IL1RAPL1: variants seen among roughly 807,000 people sequenced by gnomAD.
IL1RAPL1 encodes the protein interleukin 1 receptor accessory protein like 1, also known as interleukin-1 receptor accessory protein-like 1.
A neutral mutation model predicts 48.4 loss-of-function variants in IL1RAPL1; 3 were observed. That is an observed-to-expected ratio of 0.06 (90% CI 0.03 to 0.16). The LOEUF is 0.16. Ranked by LOEUF, IL1RAPL1 falls within the 10% of genes least tolerant of loss-of-function variation. IL1RAPL1 has a pLI of 1.00. For synonymous variants in IL1RAPL1, 185 were observed against 187.7 expected (o/e 0.99, Z 0.12); for missense variants, 349 against 530.6 (o/e 0.66, Z 3.36).
rs191898807 is a variant in IL1RAPL1, at chrX:28,804,842, C to T, written c.82+15417C>T. 7.0e-4 allele frequency among the ~76,000 whole-genome samples: 78 copies of T among 111,309 alleles called. No homozygotes were observed. In the Middle Eastern group the frequency reaches 0.014, roughly 20 times the overall value. On this transcript the variant is annotated intron_variant, in intron 2 of 10. Transcript: ENST00000378993. ...TGGAGAGTCATTATTCTGTCAATCA[C>T]AGTGGTATATTAGAGTAGCTTTTAC...
intron 6 of IL1RAPL1, among the ~76,000 whole-genome samples, chrX:29,826,866 A>G (rs1344582746): frequency 8.9e-6 from 1 of 111,997 alleles, no homozygotes; most frequent in South Asian, 3.7e-4. Flanking sequence ...TCCTTTGGCT[A>G]TCTACCTAGG....
chrX:28,992,364 C>A (rs1925624032), intron 2 of IL1RAPL1, among the ~76,000 whole-genome samples: 1 of 108,992 alleles, frequency 9.2e-6, no homozygotes, highest in Non-Finnish European at 1.9e-5. Context: ...GTGGCACATG[C>A]CTGTAATCCC....
intron 2 of IL1RAPL1, among the ~76,000 whole-genome samples, chrX:28,794,649 G>A: frequency 8.9e-6 from 1 of 111,816 alleles, no homozygotes; most frequent in Non-Finnish European, 1.9e-5. Context: ...GGGGACACCT[G>A]TTTGTGTAAA....
chrX:29,795,407 G>A (rs866542080), intron 6 of IL1RAPL1, among the ~76,000 whole-genome samples: 38 of 111,425 alleles, frequency 3.4e-4, no homozygotes, highest in African/African-American at 1.1e-3. Context: ...TGGAGTAATC[G>A]CTTCCAACAT....
chrX:29,057,695 C>T lies in IL1RAPL1; in HGVS notation c.83-225243C>T, dbSNP rs764202438. On this transcript the variant is annotated intron_variant, in intron 2 of 10. Transcript: ENST00000378993. The stretch of plus-strand genomic sequence containing the variant: ...CCGCCCGCCTCGGCCTCCCAAAGTG[C>T]TGGGATTACAGGCATGAGCCACCGT... Among the ~76,000 whole-genome samples, 3 of 111,529 alleles carry T rather than the reference C, an allele frequency of 2.7e-5. No individual in the cohort carries two copies. In the East Asian group the frequency reaches 8.6e-4, roughly 32 times the overall value.
intron 1 of IL1RAPL1, among the ~76,000 whole-genome samples, chrX:28,594,449 A>G (rs749783706): frequency 5.3e-5 from 6 of 112,271 alleles, no homozygotes; most frequent in Admixed American, 1.9e-4. Flanking sequence ...ATAAAAGCCA[A>G]AGGTGATCAA....
chrX:29,868,291 C>T (rs757026889), intron 6 of IL1RAPL1, among the ~76,000 whole-genome samples: 1 of 112,460 alleles, frequency 8.9e-6, no homozygotes, highest in South Asian at 3.7e-4. Flanking sequence ...CGTTAAGCGT[C>T]TTTTAACTAC....
chrX:29,661,654 C>T (rs1438208452), intron 5 of IL1RAPL1, among the ~76,000 whole-genome samples: 1 of 111,808 alleles, frequency 8.9e-6, no homozygotes, highest in East Asian at 2.8e-4. Flanking sequence ...TTTATAAAAA[C>T]TTGTCTCTGG....
In IL1RAPL1 at chrX:29,066,535, A is replaced by G. The variant is rs1326369335; in HGVS notation, c.83-216403A>G. ...GGAAGCCAATTTTGCTCCAAAGTTC[A>G]GGGCAAGGCCACTGGCCTACTTCTC... On this transcript the variant is annotated intron_variant, in intron 2 of 10. Transcript: ENST00000378993. Among the ~76,000 whole-genome samples the G allele has an allele frequency of 1.1e-4, 12 of 112,496 alleles. No individual in the cohort carries two copies. The Admixed American group carries it at 1.1e-3, about 11-fold the overall frequency.
intron 2 of IL1RAPL1, among the ~76,000 whole-genome samples, chrX:29,264,973 C>T (rs1452070160): frequency 1.8e-5 from 2 of 111,449 alleles, no homozygotes; most frequent in Non-Finnish European, 3.8e-5. Context: ...AGTGCAGTGG[C>T]GCTATCTGGG....
At chrX:29,278,280 T>C (rs936864043) in intron 2 of IL1RAPL1, among the ~76,000 whole-genome samples, 2 of 112,296 alleles carry the variant, frequency 1.8e-5, no homozygotes, top group East Asian at 2.8e-4. Flanking sequence ...AGCCAATATA[T>C]GTAGTTTTCT....
At chrX:29,100,661 G>A (rs1928316068) in intron 2 of IL1RAPL1, among the ~76,000 whole-genome samples, 1 of 111,614 alleles carries the variant, frequency 9.0e-6, no homozygotes, top group African/African-American at 3.3e-5. Flanking sequence ...CAACTCTTCG[G>A]GTTCTGATCT....
chrX:29,859,941 G>A (rs1931544988), intron 6 of IL1RAPL1, among the ~76,000 whole-genome samples: 1 of 112,123 alleles, frequency 8.9e-6, no homozygotes, highest in Non-Finnish European at 1.9e-5. Context: ...AGCATAAGAC[G>A]ATTAGTACAA....
intron 5 of IL1RAPL1, among the ~76,000 whole-genome samples, chrX:29,515,162 A>G (rs970271732): frequency 8.9e-6 from 1 of 112,612 alleles, no homozygotes; most frequent in African/African-American, 3.2e-5. Context: ...TTAATTTTTT[A>G]GTTAAACTTT....
At chrX:29,910,207 A>T (rs1354417315) in intron 6 of IL1RAPL1, among the ~76,000 whole-genome samples, 3 of 110,672 alleles carry the variant, frequency 2.7e-5, no homozygotes, top group African/African-American at 9.9e-5. Context: ...TGAGTACACA[A>T]TACAGGTATA....
At chrX:29,703,533 C>T (rs932279262) in intron 6 of IL1RAPL1, among the ~76,000 whole-genome samples, 12 of 110,749 alleles carry the variant, frequency 1.1e-4, no homozygotes, top group African/African-American at 3.3e-4. Context: ...TTAGTAGAGA[C>T]GGGGTTTCAC....
At chrX:29,006,210 T>G (rs2147391437) in intron 2 of IL1RAPL1, among the ~76,000 whole-genome samples, 1 of 110,941 alleles carries the variant, frequency 9.0e-6, no homozygotes, top group South Asian at 3.8e-4. Flanking sequence ...TTGTTACATT[T>G]TTGTAAGTGA....
intron 1 of IL1RAPL1, among the ~76,000 whole-genome samples, chrX:28,726,058 T>C (rs932165481): frequency 1.6e-4 from 18 of 112,097 alleles, no homozygotes; most frequent in African/African-American, 5.2e-4. Flanking sequence ...GTGCACTCAT[T>C]TATTTTTTTC....
rs1333540449 is a variant in IL1RAPL1 at position 29,955,360 on chromosome X, G to C, written c.1631G>C (p.Cys544Ser). ...LTVIKWHGPK[C>S]NKLNSKFWKR... is the part of the protein sequence containing the mutation. ...GTCATTAAATGGCATGGACCAAAAT[G>C]CAACAAGTTGAACTCCAAGTTCTGG... Residue 544 changes from cysteine (C) to serine (S), a missense_variant, in exon 11 of 11, where the codon TGC becomes TCC. Physicochemically the swap from Cys to Ser is moderately radical, Grantham distance 112. Coordinates refer to ENST00000378993, the MANE Select transcript of IL1RAPL1 (RefSeq NM_014271.4). The C allele has an allele frequency of 8.3e-7, 1 of 1,209,577 alleles. No individual in the cohort carries two copies. The highest frequency in any genetic ancestry group is 1.1e-6 in the Non-Finnish European group (1 of 895,087).
Sources: allele counts gnomAD v4.1 joint callset (sites outside exome capture counted in the v4.1 genomes callset), GRCh38; gene constraint gnomAD v4.1.1; transcripts MANE v1.5; gene names NCBI Gene and HGNC (gene_info 2026-07-23, HGNC 2026-07-21).